The following MRPS11 variants were observed in gnomAD, a reference collection of about 807,000 sequenced individuals.
The protein encoded by MRPS11 is small ribosomal subunit protein uS11m.
In MRPS11, 27 loss-of-function variants were observed where a neutral mutation model predicts 24.3. That is an observed-to-expected ratio of 1.11 (90% CI 0.82 to 1.53). MRPS11 has a LOEUF of 1.53. MRPS11 is among the 40% of genes most tolerant of loss of function. The pLI is 0.00. For synonymous variants in MRPS11, 104 were observed against 98.7 expected, an observed-to-expected ratio of 1.05 and a Z score of -0.32; for missense variants, 277 against 256.5, an observed-to-expected ratio of 1.08 and a Z score of -0.55.
chr15:88,473,669 G>C (rs116961198), intron 3 of MRPS11, among the ~76,000 whole-genome samples: 31 of 152,262 alleles, frequency 2.0e-4, no homozygotes, highest in Non-Finnish European at 4.3e-4. Flanking sequence ...AGCTCTGGTA[G>C]GGGGAATGTC....
At chr15:88,472,799 C>A in intron 3 of MRPS11, 74 bp downstream of exon 3, 1 of 1,220,046 alleles carries the variant, frequency 8.2e-7, no homozygotes, top group Non-Finnish European at 1.2e-6. Flanking sequence ...TCAGGCTTGG[C>A]CCTGAATACC....
chr15:88,475,357 CTTTGA>C lies in MRPS11; in HGVS notation c.411+120_411+124del. The C allele has an allele frequency of 1.4e-6, 2 of 1,395,820 alleles. No individual in the cohort carries two copies. The highest frequency in any genetic ancestry group is 2.0e-6 in the Non-Finnish European group (2 of 1,025,548). 86.5% of individuals were successfully genotyped at this position (1,395,820 alleles called of 1,614,324 possible). On this transcript the variant is annotated intron_variant, in intron 4 of 5. Transcript: ENST00000325844. The surrounding 1 kb of genome is among the most constrained non-coding windows in gnomAD (Gnocchi z 4.1). ...CAGAAGCAAGGGTTTGTCATGGCAG[CTTTGA>C]TGCCCTGATTGGAGCATTGGTTTGA... is the stretch of plus-strand genomic sequence containing the variant.
chr15:88,472,794 CT>C, intron 3 of MRPS11, 69 bp downstream of exon 3: 3 of 1,352,308 alleles, frequency 2.2e-6, no homozygotes, highest in Non-Finnish European at 3.1e-6. Flanking sequence ...GAAAGTCAGG[CT>C]TGGCCCTGAA....
rs551033662 is a variant in MRPS11, at chr15:88,469,889, G to T, written c.182+1865G>T. Among the ~76,000 whole-genome samples, 57 of 152,310 alleles carry T rather than the reference G, an allele frequency of 3.7e-4. No homozygotes were observed. Among genetic ancestry groups the T allele is most frequent in the African/African-American group, 1.2e-3 (49 of 41,580 alleles). Reference sequence around the variant, plus strand: ...GGAGCGAAGGAAGACCCCAAATTTTGTTGGCCTAAACAACTGGAAAGACGG... The same window carrying T: ...GGAGCGAAGGAAGACCCCAAATTTTTTTGGCCTAAACAACTGGAAAGACGG... On this transcript the variant is annotated intron_variant, in intron 2 of 5. Coordinates refer to ENST00000325844, the MANE Select transcript of MRPS11 (RefSeq NM_022839.5). This position sits in a 1 kb window ranked among gnomAD's most constrained non-coding sequence, Gnocchi z 4.4.
At position 88,475,165 on chromosome 15, in the gene MRPS11, G is replaced by T. The variant is rs1293117716; in HGVS notation, c.337G>T (p.Gly113Cys). 1 of 1,614,110 alleles carries T rather than the reference G, an allele frequency of 6.2e-7. No individual in the cohort carries two copies. The highest frequency in any genetic ancestry group is 8.5e-7 in the Non-Finnish European group (1 of 1,180,060). Residue 113 changes from glycine (G) to cysteine (C), a missense_variant, in exon 4 of 6, where the codon GGC becomes TGC. Coordinates refer to ENST00000325844, the MANE Select transcript of MRPS11 (RefSeq NM_022839.5). The surrounding 1 kb of genome is among the most constrained non-coding windows in gnomAD (Gnocchi z 4.1). ...TGAGCCCCTTGCCTTTGCTTCCTGT[G>T]GCACAGAGGGATTTCGGAATGCCAA... ...SNEPLAFASC[G>C]TEGFRNAKKG...
chr15:88,471,288 T>C (rs1319830781), intron 2 of MRPS11, among the ~76,000 whole-genome samples: 2 of 152,240 alleles, frequency 1.3e-5, no homozygotes, highest in African/African-American at 4.8e-5. Flanking sequence ...GGAAAGAATA[T>C]AGTTGTAAAC....
chr15:88,475,364 G>T lies in MRPS11; in HGVS notation c.411+125G>T. ...AAGGGTTTGTCATGGCAGCTTTGATGCCCTGATTGGAGCATTGGTTTGAAA... is the reference window on the plus strand; with the variant it reads ...AAGGGTTTGTCATGGCAGCTTTGATTCCCTGATTGGAGCATTGGTTTGAAA... On this transcript the variant is annotated intron_variant, in intron 4 of 5. Coordinates refer to ENST00000325844, the MANE Select transcript of MRPS11 (RefSeq NM_022839.5). This position sits in a 1 kb window ranked among gnomAD's most constrained non-coding sequence, Gnocchi z 4.1. The T allele has an allele frequency of 7.4e-7, 1 of 1,355,340 alleles. No homozygotes were observed. The highest frequency in any genetic ancestry group is 1.0e-6 in the Non-Finnish European group (1 of 993,700). 84.0% of individuals were successfully genotyped at this position (1,355,340 alleles called of 1,614,324 possible).
chr15:88,477,066 T>C lies in MRPS11; in HGVS notation c.477+12T>C. ...GGCCAGGACGCTTGGTAAGTTACAGTGATTTCCATAGTGTACTTGCCTCCT... is the reference window on the plus strand; with the variant it reads ...GGCCAGGACGCTTGGTAAGTTACAGCGATTTCCATAGTGTACTTGCCTCCT... On this transcript the variant is annotated intron_variant, in intron 5 of 5. Transcript: ENST00000325844. The surrounding 1 kb of genome is among the most constrained non-coding windows in gnomAD (Gnocchi z 5.7). 1 of 1,613,346 alleles carries C rather than the reference T, an allele frequency of 6.2e-7. No homozygotes were observed. The highest frequency in any genetic ancestry group is 8.5e-7 in the Non-Finnish European group (1 of 1,179,604).
chr15:88,470,884 G>A (rs1301313418), intron 2 of MRPS11, among the ~76,000 whole-genome samples: 1 of 152,152 alleles, frequency 6.6e-6, no homozygotes, highest in African/African-American at 2.4e-5. Flanking sequence ...GGTTTTCGAG[G>A]GTTGTTCTGT....
In MRPS11 at chr15:88,475,397, G is replaced by C; in HGVS notation, c.411+158G>C. 6.6e-6 allele frequency among the ~76,000 whole-genome samples: 1 copy of C among 152,254 alleles called. No homozygotes were observed. On this transcript the variant is annotated intron_variant, in intron 4 of 5. Coordinates refer to ENST00000325844, the MANE Select transcript of MRPS11 (RefSeq NM_022839.5). This position sits in a 1 kb window ranked among gnomAD's most constrained non-coding sequence, Gnocchi z 4.1. ...TGGAGCATTGGTTTGAAAAGGTTTA[G>C]TGAAAGGCTCCTCTTTTTTCTTTCT...
chr15:88,480,584 AG>A lies in MRPS11; in HGVS notation c.*2607del. 6.6e-6 allele frequency: 1 copy of A among 152,300 alleles called. No homozygotes were observed. Among genetic ancestry groups the A allele is most frequent in the Middle Eastern group, 3.4e-3 (1 of 294 alleles). The allele number at this position is 152,300 out of a possible 1,614,324, so 9.4% of individuals were successfully genotyped here. A position where few individuals can be genotyped will look rare whatever the true frequency, so the allele number is the denominator to read the frequency against. ...CCCAGCAGAGCCTACATGCGCAGAC[AG>A]GACAGAGGACCCTTAAGGATCAATG... On this transcript the variant is annotated 3_prime_UTR_variant, in exon 6 of 6. Coordinates refer to ENST00000325844, the MANE Select transcript of MRPS11 (RefSeq NM_022839.5). This position sits in a 1 kb window ranked among gnomAD's most constrained non-coding sequence, Gnocchi z 5.1.
chr15:88,468,229 A>C (rs1312336232), intron 2 of MRPS11: 1 of 1,412,544 alleles, frequency 7.1e-7, no homozygotes, highest in East Asian at 2.6e-5. Context: ...GCCGTGGTAC[A>C]GAGTAAATGT....
rs550220661 is a variant in MRPS11 at position 88,478,605 on chromosome 15, A to G, written c.*626A>G. ...AGTGGACAGTCAAACTCCCCACACT[A>G]AAGTGGCAGTCATCGTTTACACTCC... On this transcript the variant is annotated 3_prime_UTR_variant, in exon 6 of 6. Coordinates refer to ENST00000325844, the MANE Select transcript of MRPS11 (RefSeq NM_022839.5). The surrounding 1 kb of genome is among the most constrained non-coding windows in gnomAD (Gnocchi z 4.7). 6.5e-6 allele frequency: 1 copy of G among 153,896 alleles called. No homozygotes were observed. Among genetic ancestry groups the G allele is most frequent in the South Asian group, 2.0e-4 (1 of 4,890 alleles). The allele number at this position is 153,896 out of a possible 1,614,324, so 9.5% of individuals were successfully genotyped here.
Position 88,479,970 on chromosome 15 carries a change from A to G in MRPS11, c.*1991A>G, listed in dbSNP as rs2055899571. 6.6e-6 allele frequency: 1 copy of G among 152,330 alleles called. No individual in the cohort carries two copies. Among genetic ancestry groups the G allele is most frequent in the South Asian group, 2.1e-4 (1 of 4,834 alleles). The allele number at this position is 152,330 out of a possible 1,614,324, so 9.4% of individuals were successfully genotyped here. A position where few individuals can be genotyped will look rare whatever the true frequency, so the allele number is the denominator to read the frequency against. Reference sequence around the variant, plus strand: ...ACCTGGCAGGAGCTGCCACAGCAGCAGAGTGCACCTCTGCCAAAACCATGG... The same window carrying G: ...ACCTGGCAGGAGCTGCCACAGCAGCGGAGTGCACCTCTGCCAAAACCATGG... On this transcript the variant is annotated 3_prime_UTR_variant, in exon 6 of 6. Transcript: ENST00000325844.
At chr15:88,472,790 C>A in intron 3 of MRPS11, 65 bp downstream of exon 3, 1 of 1,379,366 alleles carries the variant, frequency 7.2e-7, no homozygotes, top group Non-Finnish European at 1.0e-6. Flanking sequence ...CAGGGAAAGT[C>A]AGGCTTGGCC....
chr15:88,475,958 G>GA lies in MRPS11; in HGVS notation c.411+727dup, dbSNP rs564047470. Among the ~76,000 whole-genome samples the GA allele has an allele frequency of 2.0e-5, 3 of 151,820 alleles. No individual in the cohort carries two copies. The highest frequency in any genetic ancestry group is 1.9e-4 in the East Asian group (1 of 5,170). On this transcript the variant is annotated intron_variant, in intron 4 of 5. Coordinates refer to ENST00000325844, the MANE Select transcript of MRPS11 (RefSeq NM_022839.5). The surrounding 1 kb of genome is among the most constrained non-coding windows in gnomAD (Gnocchi z 4.1). ...GTGACAGAGCGAGACTCCATCTCAA[G>GA]AAAAAAAATAAAAATAAAGACCAGT...
chr15:88,479,014 T>A lies in MRPS11; in HGVS notation c.*1035T>A, dbSNP rs527419889. The stretch of plus-strand genomic sequence containing the variant: ...AAATAAATAAATATAAATAAAAATT[T>A]AAAAAAATTAAAAAAAAAAACCTGA... On this transcript the variant is annotated 3_prime_UTR_variant, in exon 6 of 6. Transcript: ENST00000325844. 5 of 150,190 alleles carry A rather than the reference T, an allele frequency of 3.3e-5. No individual in the cohort carries two copies. Among genetic ancestry groups the A allele is most frequent in the African/African-American group, 1.2e-4 (5 of 40,988 alleles). 9.3% of individuals were successfully genotyped at this position (150,190 alleles called of 1,614,324 possible).
intron 3 of MRPS11, among the ~76,000 whole-genome samples, chr15:88,474,328 G>A (rs997378820): frequency 5.3e-5 from 8 of 152,236 alleles, no homozygotes; most frequent in African/African-American, 1.9e-4. Flanking sequence ...GGGAGGCCAA[G>A]GCGGGCAGAT....
At position 88,467,754 on chromosome 15, in the gene MRPS11, C is replaced by T. The variant is rs1454535143; in HGVS notation, c.37C>T (p.Arg13Trp). Reference sequence around the variant, plus strand: ...GAGAAACGCGGGGTCGCGGTTCCTGCGGTCCTGGACTTGGCCCCAGACAGC... The same window carrying T: ...GAGAAACGCGGGGTCGCGGTTCCTGTGGTCCTGGACTTGGCCCCAGACAGC... ...AVRNAGSRFL[R>W]SWTWPQTAGR... Residue 13 changes from arginine to tryptophan, a missense_variant, in exon 1 of 6, where the codon CGG becomes TGG. By Grantham distance (101) the Arg-to-Trp change is moderately radical (BLOSUM62 -3). Coordinates refer to ENST00000325844, the MANE Select transcript of MRPS11 (RefSeq NM_022839.5). 7 of 1,614,064 alleles carry T rather than the reference C, an allele frequency of 4.3e-6. No individual in the cohort carries two copies. The highest frequency in any genetic ancestry group is 2.2e-5 in the East Asian group (1 of 44,844).
Sources: gnomAD v4.1 joint callset for allele counts (sites outside exome capture counted in the v4.1 genomes callset) on GRCh38, gnomAD v4.1.1 for gene constraint, Gnocchi (gnomAD v3.1) non-coding constraint, MANE v1.5 for transcripts, NCBI Gene and HGNC (gene_info 2026-07-23, HGNC 2026-07-21) for gene names.